ACYP2: variants seen among roughly 807,000 people sequenced by gnomAD.
ACYP2 encodes acylphosphatase-2.
ACYP2 carries 12 observed loss-of-function variants against 11.2 expected under a neutral mutation model. That is an observed-to-expected ratio of 1.08 (90% confidence interval 0.69 to 1.74). The LOEUF is 1.74. ACYP2 is among the 40% of genes most tolerant of loss of function. The pLI is 0.00. For synonymous variants in ACYP2, 43 were observed against 32.2 expected (o/e 1.33, Z -1.13); for missense variants, 134 against 101.9 (o/e 1.31, Z -1.35).
At chr2:54,201,330 C>T (rs1259933615) in intron 6 of ACYP2, among the ~76,000 whole-genome samples, 1 of 152,136 alleles carries the variant, frequency 6.6e-6, no homozygotes, top group Non-Finnish European at 1.5e-5. Context: ...TGGTCTCAAT[C>T]TCCTGACCTC....
intron 6 of ACYP2, among the ~76,000 whole-genome samples, chr2:54,218,823 G>A (rs1173493454): frequency 6.6e-6 from 1 of 152,026 alleles, no homozygotes. Context: ...CTTTCTATTA[G>A]GAAAACAGTA....
At chr2:53,981,396 A>G (rs373446546) in intron 2 of ACYP2, among the ~76,000 whole-genome samples, 1 of 152,114 alleles carries the variant, frequency 6.6e-6, no homozygotes, top group African/African-American at 2.4e-5. Context: ...CTGGTTTCCC[A>G]TTGTCCACTT....
intron 4 of ACYP2, among the ~76,000 whole-genome samples, chr2:54,122,797 C>T (rs1441157892): frequency 6.6e-6 from 1 of 152,188 alleles, no homozygotes; most frequent in African/African-American, 2.4e-5. Context: ...TCTTGAGACT[C>T]CTTGGCTCAC....
At chr2:54,116,916 A>C (rs931660669) in intron 4 of ACYP2, among the ~76,000 whole-genome samples, 8 of 152,176 alleles carry the variant, frequency 5.3e-5, no homozygotes, top group Non-Finnish European at 1.0e-4. Context: ...TTTGGCAGGA[A>C]GGGTGGTTAC....
At chr2:54,208,386 TTTAAATCC>T (rs942939534) in intron 6 of ACYP2, among the ~76,000 whole-genome samples, 1 of 151,752 alleles carries the variant, frequency 6.6e-6, no homozygotes, top group Admixed American at 6.6e-5. Context: ...TTTTTTCTTT[TTTAAATCC>T]TTAGCATAGT....
chr2:54,003,068 C>T lies in ACYP2; in HGVS notation c.62+29258C>T, dbSNP rs531217838. On this transcript the variant is annotated intron_variant, in intron 2 of 6. Coordinates refer to ENST00000607452, the MANE Select transcript of ACYP2 (RefSeq NM_001320586.2). ...GTTCAAGTGAATACTTGTGCCTCAG[C>T]CTCCCAAGTAGCTGGGATTACAGGC... is the stretch of plus-strand genomic sequence containing the variant. Among the ~76,000 whole-genome samples the T allele has an allele frequency of 3.3e-5, 5 of 152,256 alleles. No individual in the cohort carries two copies. In the East Asian group the frequency reaches 9.6e-4, roughly 29 times the overall value.
At chr2:54,142,011 G>GTA (rs562561115) in intron 6 of ACYP2, 21 of 422,056 alleles carry the variant, frequency 5.0e-5, no homozygotes, top group Non-Finnish European at 1.3e-5. Flanking sequence ...GTGTGTGTGT[G>GTA]TATATTTTGT....
chr2:54,073,742 G>C (rs1677184042), intron 4 of ACYP2, among the ~76,000 whole-genome samples: 1 of 152,198 alleles, frequency 6.6e-6, no homozygotes, highest in African/African-American at 2.4e-5. Context: ...TTTCTTCAAA[G>C]AAGATTTACA....
chr2:54,046,065 G>A (rs1675503770), intron 2 of ACYP2, among the ~76,000 whole-genome samples: 1 of 151,624 alleles, frequency 6.6e-6, no homozygotes, highest in Non-Finnish European at 1.5e-5. Context: ...AGCTACTTGG[G>A]AGGCTGAGGT....
chr2:54,256,674 C>T (rs76657175), intron 6 of ACYP2, among the ~76,000 whole-genome samples: 2,129 of 152,290 alleles, frequency 0.014, 42 homozygotes, highest in African/African-American at 0.049. Flanking sequence ...CTCGTAGTTT[C>T]GCTGTCGCCG....
intron 4 of ACYP2, among the ~76,000 whole-genome samples, chr2:54,126,738 A>G (rs1391362801): frequency 3.3e-5 from 5 of 152,114 alleles, no homozygotes; most frequent in Admixed American, 2.0e-4. Context: ...ACCTGAGGTC[A>G]GGAGTTTGAG....
chr2:54,133,379 A>T (rs1266584831), intron 4 of ACYP2, among the ~76,000 whole-genome samples: 1 of 152,030 alleles, frequency 6.6e-6, no homozygotes, highest in African/African-American at 2.4e-5. Flanking sequence ...ATCTATTCCC[A>T]ATGTTTTTTA....
chr2:54,155,849 T>C (rs1192686327), intron 6 of ACYP2, among the ~76,000 whole-genome samples: 1 of 152,218 alleles, frequency 6.6e-6, no homozygotes, highest in Non-Finnish European at 1.5e-5. Flanking sequence ...CATGTTAATT[T>C]CCACATATTT....
intron 6 of ACYP2, among the ~76,000 whole-genome samples, chr2:54,197,713 C>T (rs542553754): frequency 9.2e-4 from 140 of 152,152 alleles, no homozygotes; most frequent in Non-Finnish European, 1.7e-3. Context: ...AACACATTTT[C>T]TTTGAGGAAT....
chr2:54,008,548 A>G (rs1673193689), intron 2 of ACYP2, among the ~76,000 whole-genome samples: 2 of 152,202 alleles, frequency 1.3e-5, no homozygotes, highest in Admixed American at 1.3e-4. Context: ...AGACAGAGTG[A>G]CTATAGAGGC....
intron 2 of ACYP2, among the ~76,000 whole-genome samples, chr2:53,983,483 G>A (rs1311800774): frequency 6.6e-6 from 1 of 152,150 alleles, no homozygotes; most frequent in Non-Finnish European, 1.5e-5. Flanking sequence ...TCCAGCCTAG[G>A]CAACAGAGCA....
In ACYP2 at chr2:54,037,581, A is replaced by G. The variant is rs539292149; in HGVS notation, c.63-13377A>G. ...AACCCCTATGCCTAGTTAACTTTTA[A>G]ATTTTTTGTAGAGATGAGATCTCAC... On this transcript the variant is annotated intron_variant, in intron 2 of 6. Transcript: ENST00000607452. Among the ~76,000 whole-genome samples, 283 of 151,362 alleles carry G rather than the reference A, an allele frequency of 1.9e-3. 2 individuals are homozygous for G. Among genetic ancestry groups the G allele is most frequent in the Admixed American group, 0.018 (270 of 15,170 alleles).
In ACYP2 at chr2:54,210,034, C is replaced by T. The variant is rs190952017; in HGVS notation, c.404+71286C>T. 5.3e-5 allele frequency among the ~76,000 whole-genome samples: 8 copies of T among 149,774 alleles called. No homozygotes were observed. The East Asian group carries it at 5.9e-4, about 11-fold the overall frequency. On this transcript the variant is annotated intron_variant, in intron 6 of 6. Transcript: ENST00000607452. Reference sequence around the variant, plus strand: ...CGGGCACTTGTAATCCCAGATATTCCGGAGGCTGAGGCAGGAGAATTGCTT... The same window carrying T: ...CGGGCACTTGTAATCCCAGATATTCTGGAGGCTGAGGCAGGAGAATTGCTT...
chr2:54,039,527 A>G (rs1675109389), intron 2 of ACYP2, among the ~76,000 whole-genome samples: 1 of 151,822 alleles, frequency 6.6e-6, no homozygotes, highest in Admixed American at 6.6e-5. Context: ...CCTGAGCTCA[A>G]GCAATCCACT....
Sources: allele counts gnomAD v4.1 joint callset (sites outside exome capture counted in the v4.1 genomes callset), GRCh38; gene constraint gnomAD v4.1.1; transcripts MANE v1.5; gene names NCBI Gene and HGNC (gene_info 2026-07-23, HGNC 2026-07-21).